PPP6R1: variants seen among roughly 807,000 people sequenced by gnomAD.
The protein encoded by PPP6R1 is serine/threonine-protein phosphatase 6 regulatory subunit 1.
Under a neutral mutation model 104.6 loss-of-function variants are expected in PPP6R1, and 39 were observed. That is an observed-to-expected ratio of 0.37 (90% CI 0.29 to 0.49). The LOEUF (loss-of-function observed/expected upper bound fraction) is 0.49. Ranked by LOEUF, PPP6R1 falls within the 20% of genes least tolerant of loss-of-function variation. The probability of loss-of-function intolerance (pLI) is 0.98; values close to 1 mark genes in which losing one functional copy is unlikely to be tolerated. For synonymous variants in PPP6R1, 549 were observed against 479.0 expected (o/e 1.15, Z -1.91); for missense variants, 1,181 against 1,155.8 (o/e 1.02, Z -0.32).
chr19:55,236,631 AG>A lies in PPP6R1; in HGVS notation c.1988+11del, dbSNP rs1309820749. On this transcript the variant is annotated intron_variant, in intron 17 of 23. Transcript: ENST00000412770. ...TGGAAGCTTGGAGAAGGGAAACTGGAGGGGGACTCACCGGACACCAGGTGGC... is the reference window on the plus strand; with the variant it reads ...TGGAAGCTTGGAGAAGGGAAACTGGAGGGGACTCACCGGACACCAGGTGGC... The A allele has an allele frequency of 6.5e-7, 1 of 1,526,812 alleles. No homozygotes were observed. Among genetic ancestry groups the A allele is most frequent in the Admixed American group, 2.2e-5 (1 of 46,006 alleles). The allele number at this position is 1,526,812 out of a possible 1,614,324, so 94.6% of individuals were successfully genotyped here. A position where few individuals can be genotyped will look rare whatever the true frequency, so the allele number is the denominator to read the frequency against.
In PPP6R1 at chr19:55,241,686, G is replaced by A. The variant is rs2087459384; in HGVS notation, c.846-47C>T. On this transcript the variant is annotated intron_variant, in intron 7 of 23. Transcript: ENST00000412770. This position sits in a 1 kb window ranked among gnomAD's most constrained non-coding sequence, Gnocchi z 5.4. ...GGCGGAGTGAGCCTAGATGGCCTGT[G>A]CGCCCACACAGGAGTAGGCACAAGG... The A allele has an allele frequency of 2.7e-6, 4 of 1,503,430 alleles. No individual in the cohort carries two copies. Among genetic ancestry groups the A allele is most frequent in the Admixed American group, 2.3e-5 (1 of 43,532 alleles). 93.1% of individuals were successfully genotyped at this position (1,503,430 alleles called of 1,614,324 possible).
At chr19:55,240,365 T>G (rs1186162827) in intron 10 of PPP6R1, 65 bp from the exon 11 acceptor site, 1 of 1,461,598 alleles carries the variant, frequency 6.8e-7, no homozygotes, top group African/African-American at 1.4e-5. Flanking sequence ...AGCTCTGCAC[T>G]GCAGCAGGGG....
chr19:55,236,908 C>T lies in PPP6R1; in HGVS notation c.1809+5G>A, dbSNP rs759611757. On this transcript the variant is annotated splice_donor_5th_base_variant and intron_variant, in intron 16 of 23. Transcript: ENST00000412770. ...GCCACAACCAGGGGACAGGGCAGTACTCACGTTCTCATCGTCAGCATTGAG... is the reference window on the plus strand; with the variant it reads ...GCCACAACCAGGGGACAGGGCAGTATTCACGTTCTCATCGTCAGCATTGAG... 1.9e-5 allele frequency: 31 copies of T among 1,612,750 alleles called. 1 individual carries two copies. Among genetic ancestry groups the T allele is most frequent in the Non-Finnish European group, 2.5e-5 (29 of 1,178,842 alleles).
At chr19:55,243,283 G>T (rs1394227392) in intron 5 of PPP6R1, among the ~76,000 whole-genome samples, 1 of 151,888 alleles carries the variant, frequency 6.6e-6, no homozygotes, top group East Asian at 1.9e-4. Flanking sequence ...CGCAGTGGTA[G>T]GCGCCTGTAG....
In PPP6R1 at chr19:55,242,372, C is replaced by T; in HGVS notation, c.731+4G>A. 6.2e-7 allele frequency: 1 copy of T among 1,613,052 alleles called. No homozygotes were observed. Among genetic ancestry groups the T allele is most frequent in the South Asian group, 1.1e-5 (1 of 91,070 alleles). On this transcript the variant is annotated splice_donor_region_variant and intron_variant, in intron 6 of 23. Coordinates refer to ENST00000412770, the MANE Select transcript of PPP6R1 (RefSeq NM_014931.4). Reference sequence around the variant, plus strand: ...CCCAGCCTTAGCCTTGCCCGCACACCCACTTCTCCAGGGTGGCCAGCAGTT... The same window carrying T: ...CCCAGCCTTAGCCTTGCCCGCACACTCACTTCTCCAGGGTGGCCAGCAGTT...
Position 55,230,437 on chromosome 19 carries a change from C to T in PPP6R1, c.*91G>A. 6.4e-7 allele frequency: 1 copy of T among 1,562,492 alleles called. No individual in the cohort carries two copies. Among genetic ancestry groups the T allele is most frequent in the Non-Finnish European group, 8.8e-7 (1 of 1,142,528 alleles). Reference sequence around the variant, plus strand: ...TGTGGGGGTGTCAGGGTGATGAGGGCAATGGGGGCCATCGTGGGACCCGCC... The same window carrying T: ...TGTGGGGGTGTCAGGGTGATGAGGGTAATGGGGGCCATCGTGGGACCCGCC... On this transcript the variant is annotated 3_prime_UTR_variant, in exon 24 of 24. Transcript: ENST00000412770.
At chr19:55,230,553 G>A (rs760926764) in intron 23 of PPP6R1, 22 bp from the exon 24 acceptor site, 29 of 1,613,450 alleles carry the variant, frequency 1.8e-5, no homozygotes, top group Non-Finnish European at 2.3e-5. Context: ...GGGAGATGTC[G>A]TGTGAGGGTC....
At chr19:55,248,746 GC>G (rs773474807) in intron 1 of PPP6R1, among the ~76,000 whole-genome samples, 2 of 152,196 alleles carry the variant, frequency 1.3e-5, no homozygotes, top group African/African-American at 2.4e-5. Flanking sequence ...GGAGCACCAG[GC>G]CCAGGGAAGA....
intron 1 of PPP6R1, among the ~76,000 whole-genome samples, chr19:55,252,554 C>T (rs1009501429): frequency 1.3e-5 from 2 of 152,142 alleles, no homozygotes; most frequent in Admixed American, 6.5e-5. Flanking sequence ...CGCCACCACA[C>T]CCAGCTAATT....
chr19:55,236,669 G>A lies in PPP6R1; in HGVS notation c.1962C>T (p.Ala654=). The A allele has an allele frequency of 1.3e-6, 2 of 1,588,874 alleles. No individual in the cohort carries two copies. The highest frequency in any genetic ancestry group is 1.7e-6 in the Non-Finnish European group (2 of 1,169,154). ...AWQGSQLARG[A]RLGQPPGVRS... ...GGACACCAGGTGGCTGGCCCAGACGGGCCCCCCTGGCCAGCTGGCTGCCCT... is the reference window on the plus strand; with the variant it reads ...GGACACCAGGTGGCTGGCCCAGACGAGCCCCCCTGGCCAGCTGGCTGCCCT... Residue 654 remains alanine, a synonymous_variant, in exon 17 of 24, where the codon GCC becomes GCT. Coordinates refer to ENST00000412770, the MANE Select transcript of PPP6R1 (RefSeq NM_014931.4).
chr19:55,253,244 G>A (rs1568951826), intron 1 of PPP6R1, among the ~76,000 whole-genome samples: 2 of 152,246 alleles, frequency 1.3e-5, no homozygotes, highest in African/African-American at 2.4e-5. Flanking sequence ...AGTCTCATGT[G>A]GAAGAGGGGC....
At chr19:55,248,839 C>T (rs543302844) in intron 1 of PPP6R1, among the ~76,000 whole-genome samples, 3 of 152,318 alleles carry the variant, frequency 2.0e-5, no homozygotes, top group South Asian at 2.1e-4. Flanking sequence ...GCAGGTCGAA[C>T]GCCTCTTGGG....
intron 15 of PPP6R1, among the ~76,000 whole-genome samples, chr19:55,237,431 C>T (rs552883276): frequency 3.3e-5 from 5 of 152,256 alleles, no homozygotes; most frequent in African/African-American, 1.2e-4. Flanking sequence ...CTACGGTCCG[C>T]GGCTGAAATT....
intron 5 of PPP6R1, 119 bp from the exon 6 acceptor site, chr19:55,242,607 G>A (rs2087468915): frequency 1.2e-6 from 1 of 811,642 alleles, no homozygotes; most frequent in South Asian, 1.5e-5. Context: ...CCAGACACAG[G>A]GACACGTGTT....
At position 55,258,996 on chromosome 19, in the gene PPP6R1, C is replaced by T. The variant is rs1045899845; in HGVS notation, c.-568G>A. 6.6e-6 allele frequency: 1 copy of T among 152,034 alleles called. No individual in the cohort carries two copies. The highest frequency in any genetic ancestry group is 1.5e-5 in the Non-Finnish European group (1 of 67,978). The allele number at this position is 152,034 out of a possible 1,614,324, so 9.4% of individuals were successfully genotyped here. On this transcript the variant is annotated 5_prime_UTR_variant, in exon 1 of 24. Transcript: ENST00000412770. ...CCTCAGGGCCTCCGACGCCCGGCTC[C>T]CTCCGCCACTATCCCACAATCCCCC...
chr19:55,228,516 C>T (rs777718278), downstream of PPP6R1: 25 of 1,573,074 alleles, frequency 1.6e-5, no homozygotes, highest in Non-Finnish European at 2.0e-5. Flanking sequence ...GGCTCCTGTC[C>T]CACCCCCACC....
At chr19:55,250,590 C>T (rs2087545377) in intron 1 of PPP6R1, among the ~76,000 whole-genome samples, 1 of 152,206 alleles carries the variant, frequency 6.6e-6, no homozygotes, top group African/African-American at 2.4e-5. Flanking sequence ...TTGTCCCCAG[C>T]TGCTAGTGCT....
chr19:55,258,019 A>G (rs917371859), intron 1 of PPP6R1, among the ~76,000 whole-genome samples: 1 of 152,196 alleles, frequency 6.6e-6, no homozygotes, highest in Non-Finnish European at 1.5e-5. Flanking sequence ...GCCACGGAAG[A>G]GGTGGCGGGG....
intron 5 of PPP6R1, among the ~76,000 whole-genome samples, chr19:55,244,015 G>A (rs540695016): frequency 1.6e-3 from 248 of 152,292 alleles, no homozygotes; most frequent in Non-Finnish European, 2.7e-3. Context: ...GCGCTGAATC[G>A]TAAGCTTCGG....
Sources: allele counts gnomAD v4.1 joint callset (sites outside exome capture counted in the v4.1 genomes callset), GRCh38; gene constraint gnomAD v4.1.1; non-coding constraint Gnocchi (gnomAD v3.1); transcripts MANE v1.5; gene names NCBI Gene and HGNC (gene_info 2026-07-23, HGNC 2026-07-21).